Variants in KCTD15 observed in about 807,000 individuals in gnomAD.
KCTD15 encodes potassium channel tetramerization domain containing 15, also known as BTB/POZ domain-containing protein KCTD15.
In KCTD15, 11 loss-of-function variants were observed where a neutral mutation model predicts 27.2. The ratio of observed to expected loss-of-function variants is 0.41; its 90% CI spans 0.25 to 0.67. The LOEUF (loss-of-function observed/expected upper bound fraction) is 0.67, where lower values mean the gene tolerates loss of function less well. Ranked by LOEUF, KCTD15 falls within the 30% of genes least tolerant of loss-of-function variation. KCTD15 has a pLI of 0.35. For synonymous variants in KCTD15, 163 were observed against 176.0 expected, an observed-to-expected ratio of 0.93 and a Z score of 0.58; for missense variants, 350 against 409.3, an observed-to-expected ratio of 0.86 and a Z score of 1.25.
chr19:33,795,404 T>A (rs1222131539), upstream of KCTD15, among the ~76,000 whole-genome samples: 1 of 151,218 alleles, frequency 6.6e-6, no homozygotes, highest in Non-Finnish European at 1.5e-5. Context: ...GCACCCCGAG[T>A]CCCCCTCACC....
rs540286421 is a variant in KCTD15 at position 33,813,312 on chromosome 19, G to A, written c.*364G>A. ...AGGAGCTGTTTATCCCTCTCCACGCGGGGCAGACTCTGGCGGGTCTCCTAG... is the reference window on the plus strand; with the variant it reads ...AGGAGCTGTTTATCCCTCTCCACGCAGGGCAGACTCTGGCGGGTCTCCTAG... On this transcript the variant is annotated 3_prime_UTR_variant, in exon 7 of 7. Coordinates refer to ENST00000683859, the MANE Select transcript of KCTD15 (RefSeq NM_001129994.2). The A allele has an allele frequency of 1.7e-5, 9 of 534,438 alleles. No individual in the cohort carries two copies. The highest frequency in any genetic ancestry group is 7.5e-5 in the African/African-American group (4 of 53,054). The allele number at this position is 534,438 out of a possible 1,614,324, so 33.1% of individuals were successfully genotyped here. A position where few individuals can be genotyped will look rare whatever the true frequency, so the allele number is the denominator to read the frequency against.
At chr19:33,795,428 G>A (rs1390756238), upstream of KCTD15, among the ~76,000 whole-genome samples, 3 of 151,924 alleles carry the variant, frequency 2.0e-5, no homozygotes, top group Admixed American at 2.0e-4. Flanking sequence ...GCTCCAGGCC[G>A]ACCCCGAGCG....
At chr19:33,798,378 A>G (rs1975423473) in intron 1 of KCTD15, 1 of 152,196 alleles carries the variant, frequency 6.6e-6, no homozygotes, top group Admixed American at 6.5e-5. Context: ...GCAATGGGAC[A>G]CAAAATCATT....
At chr19:33,801,473 A>G (rs1267882996) in intron 4 of KCTD15, 131 bp downstream of exon 4, 2 of 764,460 alleles carry the variant, frequency 2.6e-6, no homozygotes, top group Admixed American at 3.1e-5. Context: ...ACAAGCTGAC[A>G]CAGCCTGAGG....
intron 4 of KCTD15, among the ~76,000 whole-genome samples, chr19:33,804,167 T>C (rs1975645570): frequency 6.6e-6 from 1 of 152,206 alleles, no homozygotes; most frequent in African/African-American, 2.4e-5. Context: ...GCTCACGTCC[T>C]TGGCAGCCTC....
In KCTD15 at chr19:33,811,431, A is replaced by T. The variant is rs1271901788; in HGVS notation, c.572A>T (p.Glu191Val). The T allele has an allele frequency of 1.2e-6, 2 of 1,612,456 alleles. No homozygotes were observed. Among genetic ancestry groups the T allele is most frequent in the Admixed American group, 3.3e-5 (2 of 59,956 alleles). The change falls in exon 6 of 7, where the codon GAG (glutamate) becomes GTG (valine). Residue 191 changes from glutamate to valine, a missense_variant. Glu to Val is a moderately radical substitution (Grantham distance 121). Around this residue, in one of 3 missense-constraint regions of KCTD15, gnomAD observed 219 missense variants for 234.9 expected, o/e 0.93. Coordinates refer to ENST00000683859, the MANE Select transcript of KCTD15 (RefSeq NM_001129994.2). Reference protein sequence around the residue: ...IALSGEKALIEEVFPETGDVM... With the variant: ...IALSGEKALIVEVFPETGDVM... ...CTCAGCGGCGAGAAGGCCCTCATCG[A>T]GGAGGTCTTCCCCGAGACCGGAGAC...
intron 1 of KCTD15, among the ~76,000 whole-genome samples, chr19:33,798,089 A>AGGCGGG (rs1555728860): frequency 2.7e-5 from 4 of 146,772 alleles, no homozygotes; most frequent in East Asian, 2.0e-4. Context: ...CGGAGGCGGG[A>AGGCGGG]GGGGGGGGGT....
chr19:33,809,308 T>A (rs1397837946), intron 5 of KCTD15, among the ~76,000 whole-genome samples: 1 of 152,130 alleles, frequency 6.6e-6, no homozygotes, highest in East Asian at 1.9e-4. Context: ...TAAAGTTTTT[T>A]AAGAGTAATT....
rs10426916 is a variant in KCTD15, at chr19:33,811,375, C to T, written c.516C>T (p.Arg172=). The change falls in exon 6 of 7, where the codon CGC becomes CGT. Residue 172 remains arginine (R), a synonymous_variant. Coordinates refer to ENST00000683859, the MANE Select transcript of KCTD15 (RefSeq NM_001129994.2). ...RSRACDCLVV[R]VTPDLGERIA... ...GGGCCTGTGACTGCCTGGTGGTGCG[C>T]GTCACGCCCGACTTGGGCGAGCGGA... 1.6e-4 allele frequency: 256 copies of T among 1,588,888 alleles called. No individual in the cohort carries two copies. In the East Asian group the frequency reaches 5.4e-3, roughly 34 times the overall value.
chr19:33,813,062 C>A lies in KCTD15; in HGVS notation c.*114C>A. ...AGACCGAGGGTGAGGCTGGAGGGTCCAAAGCTGGCCCAGCGAGCACCAGGG... is the reference window on the plus strand; with the variant it reads ...AGACCGAGGGTGAGGCTGGAGGGTCAAAAGCTGGCCCAGCGAGCACCAGGG... On this transcript the variant is annotated 3_prime_UTR_variant, in exon 7 of 7. Transcript: ENST00000683859. The A allele has an allele frequency of 8.9e-7, 1 of 1,122,530 alleles. No homozygotes were observed. Among genetic ancestry groups the A allele is most frequent in the Non-Finnish European group, 1.3e-6 (1 of 781,258 alleles). 69.5% of individuals were successfully genotyped at this position (1,122,530 alleles called of 1,614,324 possible).
Position 33,813,088 on chromosome 19 carries a change from TC to T in KCTD15, c.*143del. 2.4e-6 allele frequency: 2 copies of T among 831,558 alleles called. No individual in the cohort carries two copies. Among genetic ancestry groups the T allele is most frequent in the Middle Eastern group, 2.3e-4 (1 of 4,422 alleles). 51.5% of individuals were successfully genotyped at this position (831,558 alleles called of 1,614,324 possible). On this transcript the variant is annotated 3_prime_UTR_variant, in exon 7 of 7. Transcript: ENST00000683859. ...AAAGCTGGCCCAGCGAGCACCAGGG[TC>T]CCAGGTGTCATGGCAACAGAACGTG...
rs138729343 is a variant in KCTD15 at position 33,812,562 on chromosome 19, A to G, written c.694-228A>G. 274 of 1,265,306 alleles carry G rather than the reference A, an allele frequency of 2.2e-4. No individual in the cohort carries two copies. In the African/African-American group the frequency reaches 3.7e-3, roughly 17 times the overall value. 78.4% of individuals were successfully genotyped at this position (1,265,306 alleles called of 1,614,324 possible). A position where few individuals can be genotyped will look rare whatever the true frequency, so the allele number is the denominator to read the frequency against. Reference sequence around the variant, plus strand: ...ATGGTGGCCTGGGTGGGGTCGTCCAACTAGGTTTGCTAACCTGAGGGGTCA... The same window carrying G: ...ATGGTGGCCTGGGTGGGGTCGTCCAGCTAGGTTTGCTAACCTGAGGGGTCA... On this transcript the variant is annotated intron_variant, in intron 6 of 6. Transcript: ENST00000683859.
rs1975723380 is a variant in KCTD15 at position 33,806,758 on chromosome 19, C to T, written c.243-105C>T. 7 of 1,329,184 alleles carry T rather than the reference C, an allele frequency of 5.3e-6. 1 individual carries two copies. In the South Asian group the frequency reaches 8.0e-5, roughly 15 times the overall value. The allele number at this position is 1,329,184 out of a possible 1,614,324, so 82.3% of individuals were successfully genotyped here. A position where few individuals can be genotyped will look rare whatever the true frequency, so the allele number is the denominator to read the frequency against. ...CCAGAGTCACCCATGTCAGGTCCCTCGCCCCTCCAGCCGTGTGGGCCCTCA... is the reference window on the plus strand; with the variant it reads ...CCAGAGTCACCCATGTCAGGTCCCTTGCCCCTCCAGCCGTGTGGGCCCTCA... On this transcript the variant is annotated intron_variant, in intron 4 of 6. Transcript: ENST00000683859.
At chr19:33,794,908 C>T (rs148831611), upstream of KCTD15, among the ~76,000 whole-genome samples, 16 of 152,336 alleles carry the variant, frequency 1.1e-4, no homozygotes, top group African/African-American at 3.6e-4. Context: ...GCCGAACGCG[C>T]AGAGAGCGCG....
intron 5 of KCTD15, among the ~76,000 whole-genome samples, chr19:33,809,248 G>T (rs983054130): frequency 6.6e-6 from 1 of 152,200 alleles, no homozygotes. Context: ...CTGCACTCCA[G>T]CCTGGGCAAC....
At chr19:33,794,733 G>A (rs1975267051), upstream of KCTD15, among the ~76,000 whole-genome samples, 1 of 152,268 alleles carries the variant, frequency 6.6e-6, no homozygotes, top group Admixed American at 6.5e-5. Context: ...GGATACAGGA[G>A]ATCAAAGTAT....
At chr19:33,799,403 A>G (rs1482349747) in intron 2 of KCTD15, among the ~76,000 whole-genome samples, 1 of 152,186 alleles carries the variant, frequency 6.6e-6, no homozygotes. Context: ...CGTCCAGGGT[A>G]GGTTTGTGGA....
At position 33,815,371 on chromosome 19, in the gene KCTD15, G is replaced by C. The variant is rs1976061644; in HGVS notation, c.*2423G>C. ...TGATGCTATAATTCTAATATATCTA[G>C]TCCCCATAAACAGTAAGTACAAATT... On this transcript the variant is annotated 3_prime_UTR_variant, in exon 7 of 7. Coordinates refer to ENST00000683859, the MANE Select transcript of KCTD15 (RefSeq NM_001129994.2). 6.6e-6 allele frequency: 1 copy of C among 151,914 alleles called. No individual in the cohort carries two copies. The highest frequency in any genetic ancestry group is 1.5e-5 in the Non-Finnish European group (1 of 68,026). The allele number at this position is 151,914 out of a possible 1,614,324, so 9.4% of individuals were successfully genotyped here. A position where few individuals can be genotyped will look rare whatever the true frequency, so the allele number is the denominator to read the frequency against.
At chr19:33,798,284 A>AC (rs11436224) in intron 1 of KCTD15, 103,234 of 152,168 alleles carry the variant, frequency 0.68, 35,855 homozygotes, top group African/African-American at 0.77. Context: ...AAGCGACTTC[A>AC]GAAGAAGCGA....
Sources: allele counts gnomAD v4.1 joint callset (sites outside exome capture counted in the v4.1 genomes callset), GRCh38; gene constraint gnomAD v4.1.1; regional missense constraint gnomAD v4.1.1; transcripts MANE v1.5; gene names NCBI Gene and HGNC (gene_info 2026-07-23, HGNC 2026-07-21).